The following TANGO6 variants were observed in gnomAD, a reference collection of about 807,000 sequenced individuals.
The protein encoded by TANGO6 is transport and Golgi organization protein 6 homolog.
TANGO6 carries 90 observed loss-of-function variants against 114.2 expected under a neutral mutation model. The observed-to-expected ratio is 0.79, with a 90% CI of 0.66 to 0.94. TANGO6 has a LOEUF of 0.94. Among genes scored for constraint, TANGO6 ranks in the 40% least tolerant of loss-of-function variants. The pLI, the probability that TANGO6 is intolerant of heterozygous loss-of-function variation, is 0.00. For missense variants in TANGO6, 1,274 were observed against 1,315.3 expected (o/e 0.97, Z 0.49); for synonymous variants, 477 against 509.8 (o/e 0.94, Z 0.87).
intron 17 of TANGO6, among the ~76,000 whole-genome samples, chr16:69,071,404 G>A (rs943004060): frequency 6.6e-6 from 1 of 152,146 alleles, no homozygotes; most frequent in African/African-American, 2.4e-5. Flanking sequence ...CTAGATCACC[G>A]TGTCCAGAGT....
At chr16:68,976,173 G>A (rs2152213561) in intron 15 of TANGO6, among the ~76,000 whole-genome samples, 1 of 152,158 alleles carries the variant, frequency 6.6e-6, no homozygotes, top group South Asian at 2.1e-4. Context: ...GCCTCAAGCA[G>A]TCTTCCCACC....
intron 1 of TANGO6, among the ~76,000 whole-genome samples, chr16:68,850,973 TA>T (rs969364912): frequency 1.3e-5 from 2 of 152,222 alleles, no homozygotes; most frequent in African/African-American, 4.8e-5. Context: ...TAGATACAGT[TA>T]TCCATGTTTC....
intron 17 of TANGO6, among the ~76,000 whole-genome samples, chr16:69,069,908 A>G: frequency 6.6e-6 from 1 of 152,080 alleles, no homozygotes; most frequent in East Asian, 1.9e-4. Context: ...CAAGTTTATT[A>G]AGAAAATAAA....
At chr16:68,905,170 C>T (rs1278273875) in intron 9 of TANGO6, among the ~76,000 whole-genome samples, 3 of 151,622 alleles carry the variant, frequency 2.0e-5, no homozygotes, top group Non-Finnish European at 4.4e-5. Flanking sequence ...GCAGAGGTTG[C>T]GGTGGGCCGA....
chr16:68,856,354 G>T (rs537118835), intron 1 of TANGO6, among the ~76,000 whole-genome samples: 11 of 152,206 alleles, frequency 7.2e-5, no homozygotes, highest in Non-Finnish European at 1.3e-4. Flanking sequence ...TGATCACGTG[G>T]GTTTTCTCCT....
At chr16:68,911,292 A>T (rs1962919360) in intron 11 of TANGO6, among the ~76,000 whole-genome samples, 1 of 152,062 alleles carries the variant, frequency 6.6e-6, no homozygotes, top group South Asian at 2.1e-4. Flanking sequence ...AAATATTAGT[A>T]TGAACTCACA....
At chr16:69,027,598 T>TGG (rs1959523846) in intron 16 of TANGO6, among the ~76,000 whole-genome samples, 1 of 152,256 alleles carries the variant, frequency 6.6e-6, no homozygotes, top group East Asian at 1.9e-4. Flanking sequence ...AAGGCTTTTA[T>TGG]GGGTCTATTT....
intron 15 of TANGO6, among the ~76,000 whole-genome samples, chr16:69,008,258 T>C (rs1964113071): frequency 6.6e-6 from 1 of 152,210 alleles, no homozygotes; most frequent in Non-Finnish European, 1.5e-5. Flanking sequence ...CTTTTCACTT[T>C]CTTGATGGTG....
At chr16:68,862,581 C>T (rs1426792347) in intron 2 of TANGO6, among the ~76,000 whole-genome samples, 1 of 152,198 alleles carries the variant, frequency 6.6e-6, no homozygotes, top group Admixed American at 6.5e-5. Context: ...GCACCTTCTG[C>T]AGGGGATATG....
chr16:68,953,137 G>A (rs1963490180), intron 14 of TANGO6, among the ~76,000 whole-genome samples: 1 of 151,300 alleles, frequency 6.6e-6, no homozygotes, highest in South Asian at 2.1e-4. Context: ...AAGCTGGAGT[G>A]CAGTGGCACA....
intron 7 of TANGO6, among the ~76,000 whole-genome samples, chr16:68,895,602 A>C (rs1266745439): frequency 1.3e-5 from 2 of 152,224 alleles, no homozygotes; most frequent in Non-Finnish European, 2.9e-5. Context: ...AATTTAAAGA[A>C]GAAAAATCAT....
chr16:68,857,865 G>A (rs1962025018), intron 1 of TANGO6, among the ~76,000 whole-genome samples: 1 of 152,108 alleles, frequency 6.6e-6, no homozygotes, highest in Non-Finnish European at 1.5e-5. Flanking sequence ...AGATTAATGA[G>A]GGATATTGAT....
chr16:68,863,037 T>G lies in TANGO6; in HGVS notation c.828T>G (p.Leu276=). ...AGCCCTTAGCAGTCCGGGAACTGCT[T>G]ATCCTCCAGGGAGGACCACCCCAGG... is the stretch of plus-strand genomic sequence containing the variant. ...VYQPLAVREL[L]ILQGGPPQSC... is the part of the protein sequence containing the mutation. Residue 276 remains leucine, a synonymous_variant, in exon 3 of 18, where the codon CTT becomes CTG. Coordinates refer to ENST00000261778, the MANE Select transcript of TANGO6 (RefSeq NM_024562.2). The G allele has an allele frequency of 6.3e-7, 1 of 1,585,426 alleles. No individual in the cohort carries two copies. Among genetic ancestry groups the G allele is most frequent in the Non-Finnish European group, 8.6e-7 (1 of 1,165,922 alleles).
At chr16:68,859,257 A>C (rs1032441499) in intron 1 of TANGO6, among the ~76,000 whole-genome samples, 59 of 152,100 alleles carry the variant, frequency 3.9e-4, no homozygotes, top group African/African-American at 1.4e-3. Flanking sequence ...TGCAGCCTCG[A>C]CTTCCTGGGC....
At position 68,927,685 on chromosome 16, in the gene TANGO6, T is replaced by G; in HGVS notation, c.2245T>G (p.Ser749Ala). ...ELAVDLRITISTHGAFATEAV... is the reference protein window; with the variant it reads ...ELAVDLRITIATHGAFATEAV... ...CGCTGTTGATCTCCGCATCACCATC[T>G]CTACCCATGGAGCCTTTGCCACTGA... Residue 749 changes from serine to alanine, a missense_variant, in exon 13 of 18, where the codon TCT becomes GCT. This residue lies in a region of TANGO6 where 908 missense variants were observed against 910.2 expected (regional missense o/e 1.00). Coordinates refer to ENST00000261778, the MANE Select transcript of TANGO6 (RefSeq NM_024562.2). The G allele has an allele frequency of 6.2e-7, 1 of 1,613,956 alleles. No homozygotes were observed. Among genetic ancestry groups the G allele is most frequent in the Non-Finnish European group, 8.5e-7 (1 of 1,179,884 alleles).
chr16:68,934,500 C>G (rs893701643), intron 14 of TANGO6, among the ~76,000 whole-genome samples: 1 of 152,094 alleles, frequency 6.6e-6, no homozygotes, highest in Non-Finnish European at 1.5e-5. Context: ...TAGGTGAGAA[C>G]GAAAGCTCTA....
At chr16:68,897,514 T>G (rs1284162023) in intron 7 of TANGO6, among the ~76,000 whole-genome samples, 1 of 152,056 alleles carries the variant, frequency 6.6e-6, no homozygotes, top group Non-Finnish European at 1.5e-5. Context: ...TAGGCACAAG[T>G]AGTACTTGTT....
At chr16:69,046,748 A>C (rs1191490165) in intron 17 of TANGO6, among the ~76,000 whole-genome samples, 1 of 152,242 alleles carries the variant, frequency 6.6e-6, no homozygotes, top group African/African-American at 2.4e-5. Context: ...AAGTCCTAGA[A>C]CTAAAAACTA....
At chr16:68,991,861 G>T (rs545700507) in intron 15 of TANGO6, among the ~76,000 whole-genome samples, 1 of 152,044 alleles carries the variant, frequency 6.6e-6, no homozygotes, top group Non-Finnish European at 1.5e-5. Flanking sequence ...GCCTGGAGCC[G>T]GAGAGAAAGC....
Sources: allele counts gnomAD v4.1 joint callset (sites outside exome capture counted in the v4.1 genomes callset), GRCh38; gene constraint gnomAD v4.1.1; regional missense constraint gnomAD v4.1.1; transcripts MANE v1.5; gene names NCBI Gene and HGNC (gene_info 2026-07-23, HGNC 2026-07-21).